Variants in CYP17A1 observed in about 807,000 individuals in gnomAD.
CYP17A1 encodes steroid 17-alpha-hydroxylase/17,20 lyase.
A neutral mutation model predicts 38.5 loss-of-function variants in CYP17A1; 27 were observed. The ratio of observed to expected loss-of-function variants is 0.70; its 90% CI spans 0.52 to 0.97. The LOEUF (loss-of-function observed/expected upper bound fraction) is 0.97. Ranked by LOEUF, CYP17A1 falls within the 50% of genes least tolerant of loss-of-function variation. The pLI is 0.00. For missense variants in CYP17A1, 549 were observed against 645.9 expected, an observed-to-expected ratio of 0.85 and a Z score of 1.63; for synonymous variants, 263 against 253.3, an observed-to-expected ratio of 1.04 and a Z score of -0.36.
At position 102,831,573 on chromosome 10, in the gene CYP17A1, A is replaced by T; in HGVS notation, c.1178T>A (p.Ile393Asn). The change falls in exon 7 of 8, where the codon ATC becomes AAC. Residue 393 changes from isoleucine (I) to asparagine (N), a missense_variant. By Grantham distance (149) the Ile-to-Asn change is moderately radical (BLOSUM62 -3). This residue lies in a region of CYP17A1 where 257 missense variants were observed against 307.9 expected (regional missense o/e 0.83). Coordinates refer to ENST00000369887, the MANE Select transcript of CYP17A1 (RefSeq NM_000102.4). The part of the protein sequence containing the change: ...EFAVDKGTEV[I>N]INLWALHHNE... Reference sequence around the variant, plus strand: ...GTGATGCAGCGCCCACAGATTGATGATAACTTCTGTGCCCTTGTCCACAGC... The same window carrying T: ...GTGATGCAGCGCCCACAGATTGATGTTAACTTCTGTGCCCTTGTCCACAGC... 1 of 1,613,974 alleles carries T rather than the reference A, an allele frequency of 6.2e-7. No individual in the cohort carries two copies.
chr10:102,831,673 C>T (rs185884881), intron 6 of CYP17A1, 62 bp from the exon 7 acceptor site: 2 of 1,601,104 alleles, frequency 1.2e-6, no homozygotes, highest in African/African-American at 2.7e-5. Context: ...CTTGCTCAGC[C>T]TCATGCCCCC....
At chr10:102,835,672 C>A (rs1045818978) in intron 1 of CYP17A1, 5 of 462,262 alleles carry the variant, frequency 1.1e-5, no homozygotes, top group Non-Finnish European at 2.0e-5. Flanking sequence ...TTTTCGCTGA[C>A]AGGGTGCCCT....
intron 3 of CYP17A1, 199 bp from the exon 4 acceptor site, chr10:102,834,321 A>G: frequency 1.7e-6 from 1 of 604,144 alleles, no homozygotes; most frequent in South Asian, 1.9e-5. Flanking sequence ...TAAACAAGGG[A>G]GGAGGGCGTG....
Position 102,835,386 on chromosome 10 carries a change from G to C in CYP17A1, c.304C>G (p.Leu102Val). Reference sequence around the variant, plus strand: ...TTACGGTTGTTGGACGCGATGTCTAGAGTTGCCTTTAGAGAGCAGGCAAGG... The same window carrying C: ...TTACGGTTGTTGGACGCGATGTCTACAGTTGCCTTTAGAGAGCAGGCAAGG... ...DFSGRPQMATLDIASNNRKGI... is the reference protein window; with the variant it reads ...DFSGRPQMATVDIASNNRKGI... The change falls in exon 2 of 8, where the codon CTA becomes GTA. Residue 102 changes from leucine to valine, a missense_variant. This residue lies in a region of CYP17A1 where 289 missense variants were observed against 320.9 expected (regional missense o/e 0.90). Coordinates refer to ENST00000369887, the MANE Select transcript of CYP17A1 (RefSeq NM_000102.4). 2 of 1,612,336 alleles carry C rather than the reference G, an allele frequency of 1.2e-6. No individual in the cohort carries two copies. The highest frequency in any genetic ancestry group is 1.7e-6 in the Non-Finnish European group (2 of 1,178,288).
chr10:102,831,671 G>A, intron 6 of CYP17A1, 60 bp from the exon 7 acceptor site: 1 of 1,603,662 alleles, frequency 6.2e-7, no homozygotes, highest in East Asian at 2.2e-5. Context: ...TCCTTGCTCA[G>A]CCTCATGCCC....
rs773278607 is a variant in CYP17A1, at chr10:102,834,073, C to T, written c.716G>A (p.Arg239Gln). ...AAGTATTTTATTCAGCAGATCATTT[C>T]GTATTTTAACATGGCTCTTTAATTT... ...LEKLKSHVKIRNDLLNKILEN... is the reference protein window; with the variant it reads ...LEKLKSHVKIQNDLLNKILEN... Residue 239 changes from arginine (R) to glutamine (Q), a missense_variant, in exon 4 of 8, where the codon CGA becomes CAA. Around this residue, in one of 3 missense-constraint regions of CYP17A1, gnomAD observed 289 missense variants for 320.9 expected, o/e 0.90. Transcript: ENST00000369887. 18 of 1,328,964 alleles carry T rather than the reference C, an allele frequency of 1.4e-5. No individual in the cohort carries two copies. The highest frequency in any genetic ancestry group is 2.3e-5 in the East Asian group (1 of 43,754). The allele number at this position is 1,328,964 out of a possible 1,614,324, so 82.3% of individuals were successfully genotyped here. A position where few individuals can be genotyped will look rare whatever the true frequency, so the allele number is the denominator to read the frequency against.
Position 102,833,268 on chromosome 10 carries a change from G to T in CYP17A1, c.754-60C>A. The T allele has an allele frequency of 1.1e-5, 17 of 1,612,650 alleles. No homozygotes were observed. The South Asian group carries it at 1.8e-4, about 17-fold the overall frequency. On this transcript the variant is annotated intron_variant, in intron 4 of 7. Transcript: ENST00000369887. ...AAGGAGCCCCATCTGTGACACTCCT[G>T]CCATACTTCTGTCCCTGACTAGAGA...
At chr10:102,836,908 G>T in intron 1 of CYP17A1, 157 bp downstream of exon 1, 1 of 699,008 alleles carries the variant, frequency 1.4e-6, no homozygotes, top group Non-Finnish European at 2.6e-6. Flanking sequence ...GCTGGGTGGG[G>T]GTCTGAAGGT....
At chr10:102,832,856 G>A in intron 5 of CYP17A1, 137 bp downstream of exon 5, 1 of 1,515,836 alleles carries the variant, frequency 6.6e-7, no homozygotes, top group Non-Finnish European at 9.0e-7. Flanking sequence ...TGGGGTCAAA[G>A]CCAACTACTG....
rs1219130898 is a variant in CYP17A1 at position 102,832,629 on chromosome 10, T to C, written c.1021A>G (p.Thr341Ala). Residue 341 changes from threonine to alanine, a missense_variant, in exon 6 of 8, where the codon ACA becomes GCA. This residue lies in a region of CYP17A1 where 257 missense variants were observed against 307.9 expected (regional missense o/e 0.83). Coordinates refer to ENST00000369887, the MANE Select transcript of CYP17A1 (RefSeq NM_000102.4). ...CGGTTACGGTCACTGATAGTTGGTG[T>C]GCGGCTGAAACCCACATTCTGGTCA... is the stretch of plus-strand genomic sequence containing the variant. ...EIDQNVGFSR[T>A]PTISDRNRLL... The C allele has an allele frequency of 6.2e-7, 1 of 1,607,652 alleles. No individual in the cohort carries two copies. Among genetic ancestry groups the C allele is most frequent in the African/African-American group, 1.3e-5 (1 of 74,820 alleles).
intron 3 of CYP17A1, 122 bp from the exon 4 acceptor site, chr10:102,834,244 C>T (rs1160400342): frequency 2.8e-6 from 2 of 703,572 alleles, no homozygotes; most frequent in African/African-American, 3.5e-5. Flanking sequence ...CCACCCCTGA[C>T]CTTCAGCCAG....
chr10:102,832,553 AC>A lies in CYP17A1; in HGVS notation c.1096del (p.Val366TrpfsTer53), dbSNP rs1844104256. ...CTTGTGGGGGATGAGCATAGGGGCCACGGGCCTGAGGCGAAGCACCTCTCGG... is the reference window on the plus strand; with the variant it reads ...CTTGTGGGGGATGAGCATAGGGGCCAGGGCCTGAGGCGAAGCACCTCTCGG... ...TIREVLRLRP[V>X]APMLIPHKAN... On this transcript the variant is annotated frameshift_variant, in exon 6 of 8. Coordinates refer to ENST00000369887, the MANE Select transcript of CYP17A1 (RefSeq NM_000102.4). LOFTEE classifies it high-confidence loss of function. 1 of 1,611,996 alleles carries A rather than the reference AC, an allele frequency of 6.2e-7. No individual in the cohort carries two copies. Among genetic ancestry groups the A allele is most frequent in the African/African-American group, 1.3e-5 (1 of 74,850 alleles).
chr10:102,832,660 C>T lies in CYP17A1; in HGVS notation c.990G>A (p.Glu330=). 6.2e-7 allele frequency: 1 copy of T among 1,606,950 alleles called. No individual in the cohort carries two copies. Among genetic ancestry groups the T allele is most frequent in the South Asian group, 1.1e-5 (1 of 90,924 alleles). ...HNPQVKKKLY[E]EIDQNVGFSR... ...TGAAACCCACATTCTGGTCAATCTC[C>T]TCGTAGAGCTTCTTCTTCACCTGAA... The change falls in exon 6 of 8, where the codon GAG becomes GAA. Residue 330 remains glutamate (E), a synonymous_variant. Transcript: ENST00000369887.
chr10:102,835,929 G>A (rs1844156180), intron 1 of CYP17A1, among the ~76,000 whole-genome samples: 1 of 152,194 alleles, frequency 6.6e-6, no homozygotes, highest in African/African-American at 2.4e-5. Context: ...GAGTGCAGAT[G>A]TTTTGTCTAC....
chr10:102,832,156 C>T (rs924320971), intron 6 of CYP17A1, among the ~76,000 whole-genome samples: 1 of 152,168 alleles, frequency 6.6e-6, no homozygotes, highest in African/African-American at 2.4e-5. Context: ...TCACTGCAAC[C>T]TCCGCCGCCT....
intron 1 of CYP17A1, among the ~76,000 whole-genome samples, chr10:102,836,392 G>C (rs1321133448): frequency 6.7e-6 from 1 of 149,502 alleles, no homozygotes; most frequent in African/African-American, 2.5e-5. Flanking sequence ...GGGAGGCAGA[G>C]GTTGCAGTGA....
rs1178096845 is a variant in CYP17A1, at chr10:102,832,793, G to A, written c.970-113C>T. On this transcript the variant is annotated intron_variant, in intron 5 of 7. Coordinates refer to ENST00000369887, the MANE Select transcript of CYP17A1 (RefSeq NM_000102.4). ...GAAGAGCCTGTCCAGTCCCTTCCCA[G>A]TAGTGGCTCTGGGGCCCAGGCCCGG... The A allele has an allele frequency of 1.0e-5, 13 of 1,296,726 alleles. No homozygotes were observed. The Admixed American group carries it at 1.9e-4, about 19-fold the overall frequency. 80.3% of individuals were successfully genotyped at this position (1,296,726 alleles called of 1,614,324 possible). A position where few individuals can be genotyped will look rare whatever the true frequency, so the allele number is the denominator to read the frequency against.
intron 2 of CYP17A1, 37 bp from the exon 3 acceptor site, chr10:102,835,051 C>T (rs1443976295): frequency 2.3e-6 from 3 of 1,325,220 alleles, no homozygotes; most frequent in Non-Finnish European, 1.1e-6. Context: ...GGAAATGAAT[C>T]AGCACCCTTA....
chr10:102,835,375 C>T lies in CYP17A1; in HGVS notation c.315G>A (p.Ala105=), dbSNP rs150698224. ...AGGCGATACCCTTACGGTTGTTGGA[C>T]GCGATGTCTAGAGTTGCCTTTAGAG... ...GRPQMATLDI[A]SNNRKGIAFA... is the part of the protein sequence containing the mutation. The change falls in exon 2 of 8, where the codon GCG becomes GCA. Residue 105 remains alanine (A), a synonymous_variant. Transcript: ENST00000369887. 30 of 1,612,822 alleles carry T rather than the reference C, an allele frequency of 1.9e-5. No homozygotes were observed. The highest frequency in any genetic ancestry group is 7.7e-5 in the South Asian group (7 of 91,064).
Sources: allele counts gnomAD v4.1 joint callset (sites outside exome capture counted in the v4.1 genomes callset), GRCh38; gene constraint gnomAD v4.1.1; regional missense constraint gnomAD v4.1.1; transcripts MANE v1.5; gene names NCBI Gene and HGNC (gene_info 2026-07-23, HGNC 2026-07-21).